Variants in RTL4 observed in about 807,000 individuals in gnomAD.
RTL4 encodes retrotransposon Gag like 4.
A neutral mutation model predicts 5.3 loss-of-function variants in RTL4; 4 were observed. That is an observed-to-expected ratio of 0.75 (90% CI 0.37 to 1.72). The LOEUF is 1.72. Among genes scored for constraint, RTL4 ranks in the 40% most tolerant of loss-of-function variants. The pLI is 0.04. For missense variants in RTL4, 260 were observed against 227.1 expected (o/e 1.14, Z -0.93); for synonymous variants, 98 against 87.3 (o/e 1.12, Z -0.68).
the RTL4 span, among the ~76,000 whole-genome samples, chrX:112,090,099 TTTTTTCATTA>T: frequency 9.0e-6 from 1 of 111,011 alleles, no homozygotes; most frequent in Non-Finnish European, 1.9e-5. Context: ...CTTTGCCAAA[TTTTTTCATTA>T]GTTCTAATAG....
chrX:112,262,376 G>A, the RTL4 span, among the ~76,000 whole-genome samples: 1 of 111,969 alleles, frequency 8.9e-6, no homozygotes, highest in South Asian at 3.7e-4. Context: ...ATCAACAAGT[G>A]GGCAAAGGAT....
chrX:112,284,842 C>T, the RTL4 span, among the ~76,000 whole-genome samples: 9 of 111,424 alleles, frequency 8.1e-5, no homozygotes, highest in Non-Finnish European at 1.7e-4. Flanking sequence ...CATTCTGATC[C>T]CAGAGACGCT....
the RTL4 span, among the ~76,000 whole-genome samples, chrX:112,208,324 G>T: frequency 8.9e-6 from 1 of 111,927 alleles, no homozygotes; most frequent in African/African-American, 3.2e-5. Context: ...AGACATGTTT[G>T]ATCTAAAAGG....
chrX:112,201,922 A>G, the RTL4 span, among the ~76,000 whole-genome samples: 1 of 110,766 alleles, frequency 9.0e-6, no homozygotes, highest in Non-Finnish European at 1.9e-5. Context: ...AAATCCACTT[A>G]TTAAATTTAG....
the RTL4 span, among the ~76,000 whole-genome samples, chrX:112,103,770 A>G: frequency 4.6e-4 from 51 of 110,764 alleles, no homozygotes; most frequent in African/African-American, 1.6e-3. Flanking sequence ...TTATTTTTAA[A>G]TATACAGGTA....
the RTL4 span, among the ~76,000 whole-genome samples, chrX:112,096,960 C>T: frequency 8.9e-6 from 1 of 112,208 alleles, no homozygotes; most frequent in Non-Finnish European, 1.9e-5. Flanking sequence ...GAATGATAGA[C>T]TCTGAGATGT....
chrX:112,205,778 C>A, the RTL4 span, among the ~76,000 whole-genome samples: 2 of 112,043 alleles, frequency 1.8e-5, no homozygotes, highest in Admixed American at 1.9e-4. Context: ...CAAGTCTTAT[C>A]TCTACCATGT....
At chrX:112,449,379 G>A in the RTL4 span, among the ~76,000 whole-genome samples, 760 of 111,874 alleles carry the variant, frequency 6.8e-3, 4 homozygotes, top group Middle Eastern at 0.018. Flanking sequence ...GCCATGAAAA[G>A]AAGCAATGCA....
At chrX:112,413,404 A>G in the RTL4 span, among the ~76,000 whole-genome samples, 584 of 111,881 alleles carry the variant, frequency 5.2e-3, 6 homozygotes, top group African/African-American at 0.018. Context: ...CTGCACTCCA[A>G]TGTTTATTGC....
chrX:112,108,970 T>C, the RTL4 span, among the ~76,000 whole-genome samples: 1 of 109,864 alleles, frequency 9.1e-6, no homozygotes, highest in Non-Finnish European at 1.9e-5. Context: ...AGTATTGAGG[T>C]CTATGATCAT....
chrX:112,156,684 A>G, the RTL4 span, among the ~76,000 whole-genome samples: 1 of 112,026 alleles, frequency 8.9e-6, no homozygotes, highest in African/African-American at 3.2e-5. Context: ...TTCCTGCATT[A>G]GAAAAAAGTT....
chrX:112,322,444 T>C, the RTL4 span, among the ~76,000 whole-genome samples: 1 of 110,400 alleles, frequency 9.1e-6, no homozygotes, highest in African/African-American at 3.3e-5. Flanking sequence ...ATAATAATAA[T>C]GATATTTCTT....
the RTL4 span, among the ~76,000 whole-genome samples, chrX:112,202,146 C>T: frequency 4.5e-5 from 5 of 111,467 alleles, no homozygotes; most frequent in Admixed American, 9.6e-5. Context: ...TCACCCCTTC[C>T]GCAACCCCTG....
At chrX:112,448,405 G>A in the RTL4 span, among the ~76,000 whole-genome samples, 1 of 111,842 alleles carries the variant, frequency 8.9e-6, no homozygotes, top group Admixed American at 9.5e-5. Context: ...GGGATGATGA[G>A]CATAGTGGGT....
At chrX:112,262,240 A>G in the RTL4 span, among the ~76,000 whole-genome samples, 1 of 112,176 alleles carries the variant, frequency 8.9e-6, no homozygotes, top group Middle Eastern at 4.6e-3. Context: ...AGAAACTACC[A>G]TCAGAGTGAA....
the RTL4 span, among the ~76,000 whole-genome samples, chrX:112,372,250 T>C: frequency 9.0e-6 from 1 of 111,544 alleles, no homozygotes; most frequent in African/African-American, 3.3e-5. Context: ...GTGTACTCAG[T>C]TTCTTTTGCT....
the RTL4 span, among the ~76,000 whole-genome samples, chrX:112,159,900 T>C: frequency 1.7e-4 from 19 of 111,093 alleles, no homozygotes; most frequent in Non-Finnish European, 3.4e-4. Context: ...CATGCCTATA[T>C]AAATACTTCC....
At chrX:112,439,746 T>A in the RTL4 span, among the ~76,000 whole-genome samples, 1 of 111,125 alleles carries the variant, frequency 9.0e-6, no homozygotes, top group Non-Finnish European at 1.9e-5. Context: ...CTGTGAGATC[T>A]AATTGTTAAA....
chrX:112,352,144 T>C, the RTL4 span, among the ~76,000 whole-genome samples: 7 of 110,902 alleles, frequency 6.3e-5, no homozygotes, highest in African/African-American at 2.3e-4. Context: ...TTTGCCTGGA[T>C]ATGAAATTCT....
Sources: gnomAD v4.1 joint callset for allele counts (sites outside exome capture counted in the v4.1 genomes callset) on GRCh38, gnomAD v4.1.1 for gene constraint, MANE v1.5 for transcripts, NCBI Gene and HGNC (gene_info 2026-07-23, HGNC 2026-07-21) for gene names.